Variants in EOLA1 observed in about 807,000 individuals in gnomAD.
The protein encoded by EOLA1 is protein EOLA1.
In EOLA1, 1 loss-of-function variant was observed where a neutral mutation model predicts 4.5. The ratio of observed to expected loss-of-function variants is 0.22; its 90% confidence interval spans 0.08 to 1.05. The LOEUF (loss-of-function observed/expected upper bound fraction) is 1.05, where lower values mean the gene tolerates loss of function less well. Among genes scored for constraint, EOLA1 ranks in the 50% least tolerant of loss-of-function variants. The pLI is 0.57. For synonymous variants in EOLA1, 37 were observed against 52.3 expected (o/e 0.71, Z 1.26); for missense variants, 69 against 127.2 (o/e 0.54, Z 2.20).
chrX:149,544,282 G>A (rs1557346993), intron 2 of EOLA1, among the ~76,000 whole-genome samples: 1 of 70,453 alleles, frequency 1.4e-5, no homozygotes, highest in South Asian at 9.2e-4. Context: ...CTGGAGCTCA[G>A]AAGGCTGCAG....
rs142002981 is a variant in EOLA1, at chrX:149,544,958, G to A, written c.-162-410G>A. 566 of 745,759 alleles carry A rather than the reference G, an allele frequency of 7.6e-4. 7 individuals carry two copies. In the African/African-American group the frequency reaches 0.013, roughly 17 times the overall value. The allele number at this position is 745,759 out of a possible 1,213,427, so 61.5% of individuals were successfully genotyped here. Reference sequence around the variant, plus strand: ...TCAGATTGGGACAGGGGCATCTGCTGACAGTGGAGAGCAGTGGTAGGGGAA... The same window carrying A: ...TCAGATTGGGACAGGGGCATCTGCTAACAGTGGAGAGCAGTGGTAGGGGAA... On this transcript the variant is annotated intron_variant, in intron 2 of 4. Transcript: ENST00000393985.
intron 2 of EOLA1, among the ~76,000 whole-genome samples, chrX:149,543,497 G>T (rs1361669387): frequency 1.7e-5 from 1 of 59,116 alleles, no homozygotes; most frequent in Non-Finnish European, 3.3e-5. Flanking sequence ...TGCTGGGGGG[G>T]GGTGGGGGTG....
chrX:149,543,840 C>T (rs1421876160), intron 2 of EOLA1, among the ~76,000 whole-genome samples: 1 of 89,479 alleles, frequency 1.1e-5, no homozygotes, highest in African/African-American at 4.4e-5. Flanking sequence ...CGGTGAGCAA[C>T]GTGGGGGTCC....
At chrX:149,541,807 T>A (rs188566196) in intron 1 of EOLA1, 1 of 753,512 alleles carries the variant, frequency 1.3e-6, no homozygotes, top group Admixed American at 8.6e-5. Flanking sequence ...GTGCACCCTG[T>A]GGTCCTTGAC....
intron 2 of EOLA1, chrX:149,544,780 C>T (rs2089804367): frequency 5.4e-6 from 4 of 744,452 alleles, no homozygotes; most frequent in Non-Finnish European, 6.3e-6. Context: ...TCTCCTCAGC[C>T]ATAGAGTGGG....
chrX:149,544,887 G>A, intron 2 of EOLA1: 1 of 754,185 alleles, frequency 1.3e-6, no homozygotes, highest in South Asian at 6.7e-5. Flanking sequence ...GAAGGCATGT[G>A]TGTGGGGTTG....
At chrX:149,546,161 T>C in intron 4 of EOLA1, among the ~76,000 whole-genome samples, 1 of 106,807 alleles carries the variant, frequency 9.4e-6, no homozygotes, top group Non-Finnish European at 1.9e-5. Flanking sequence ...CACATGGTGT[T>C]TGTGGTGTTT....
chrX:149,541,565 G>C (rs1302707641), intron 1 of EOLA1: 2 of 118,268 alleles, frequency 1.7e-5, no homozygotes, highest in Non-Finnish European at 3.4e-5. Flanking sequence ...TGGCCCTTCT[G>C]CTGTGAGCTC....
rs1326384078 is a variant in EOLA1 at position 149,541,267 on chromosome X, G to A, written c.-306G>A. 7.9e-5 allele frequency: 9 copies of A among 113,962 alleles called. No individual in the cohort carries two copies. The highest frequency in any genetic ancestry group is 1.3e-4 in the Non-Finnish European group (7 of 53,440). 9.4% of individuals were successfully genotyped at this position (113,962 alleles called of 1,213,427 possible). On this transcript the variant is annotated 5_prime_UTR_variant, in exon 1 of 5. Coordinates refer to ENST00000393985, the MANE Select transcript of EOLA1 (RefSeq NM_001171907.3). Reference sequence around the variant, plus strand: ...ACTCGCAGGGTCCATGGTTCCGGAGGCCGTGAGACCTGCCGGGGCTGACAG... The same window carrying A: ...ACTCGCAGGGTCCATGGTTCCGGAGACCGTGAGACCTGCCGGGGCTGACAG...
chrX:149,545,046 A>C (rs2089811861), intron 2 of EOLA1: 1 of 684,185 alleles, frequency 1.5e-6, no homozygotes, highest in South Asian at 7.4e-5. Flanking sequence ...GGGCCATCTG[A>C]GGTCACGGTG....
Position 149,541,309 on chromosome X carries a change from T to C in EOLA1, c.-264T>C, listed in dbSNP as rs1469089294. ...GGCTGACAGGTGCCAGGGCCCATGC[T>C]GCGGGAGCCTGTGTGCTCAGCCTTC... On this transcript the variant is annotated 5_prime_UTR_variant, in exon 1 of 5. Transcript: ENST00000393985. The C allele has an allele frequency of 8.8e-6, 1 of 114,162 alleles. No homozygotes were observed. The highest frequency in any genetic ancestry group is 3.2e-5 in the African/African-American group (1 of 31,040). 9.4% of individuals were successfully genotyped at this position (114,162 alleles called of 1,213,427 possible). A position where few individuals can be genotyped will look rare whatever the true frequency, so the allele number is the denominator to read the frequency against.
At chrX:149,542,560 G>A (rs2089750214) in intron 2 of EOLA1, among the ~76,000 whole-genome samples, 2 of 110,164 alleles carry the variant, frequency 1.8e-5, no homozygotes, top group African/African-American at 6.7e-5. Context: ...TGGCAAAAGT[G>A]GGAAGCAACT....
At chrX:149,548,361 A>G, downstream of EOLA1, 1 of 933,342 alleles carries the variant, frequency 1.1e-6, no homozygotes, top group Non-Finnish European at 1.3e-6. Context: ...AACTGTTCAC[A>G]GAGTCTACAC....
Position 149,545,839 on chromosome X carries a change from C to G in EOLA1, c.209C>G (p.Ala70Gly), listed in dbSNP as rs1324270981. ...GGGATGACTCCTGCTCAGATTCAGG[C>G]CTTGCTCAGGAAAGGGGAAAAGTTT... is the stretch of plus-strand genomic sequence containing the variant. ...RLGMTPAQIQ[A>G]LLRKGEKFGR... is the part of the protein sequence containing the mutation. The change falls in exon 4 of 5, where the codon GCC (alanine) becomes GGC (glycine). Residue 70 changes from alanine (A) to glycine (G), a missense_variant. Transcript: ENST00000393985. 1.2e-5 allele frequency: 14 copies of G among 1,209,085 alleles called. No homozygotes were observed. The Middle Eastern group carries it at 6.9e-4, about 59-fold the overall frequency.
intron 4 of EOLA1, 143 bp downstream of exon 4, chrX:149,546,026 G>A: frequency 2.6e-6 from 2 of 782,860 alleles, no homozygotes; most frequent in East Asian, 6.9e-5. Context: ...CTTCAAAGGG[G>A]CGGCAAGGAC....
chrX:149,540,906 A>G (rs1382281192), upstream of EOLA1: 4 of 113,102 alleles, frequency 3.5e-5, no homozygotes, highest in East Asian at 2.8e-4. Context: ...GTCTATATGC[A>G]TGGCTGAGTA....
intron 4 of EOLA1, 103 bp from the exon 5 acceptor site, chrX:149,546,636 T>G: frequency 3.2e-6 from 3 of 924,231 alleles, no homozygotes; most frequent in Non-Finnish European, 2.9e-6. Context: ...TGATGCTGTC[T>G]TACTCTCTAT....
intron 1 of EOLA1, 74 bp from the exon 2 acceptor site, chrX:149,541,945 C>T: frequency 1.6e-6 from 1 of 630,830 alleles, no homozygotes; most frequent in Non-Finnish European, 1.9e-6. Flanking sequence ...AGTACATGAC[C>T]TTCTTAGGGC....
In EOLA1 at chrX:149,545,133, G is replaced by A. The variant is rs1386758264; in HGVS notation, c.-162-235G>A. On this transcript the variant is annotated intron_variant, in intron 2 of 4. Coordinates refer to ENST00000393985, the MANE Select transcript of EOLA1 (RefSeq NM_001171907.3). ...CCTGGAGTAGGAGCTGGGAAGGTCA[G>A]TGCCTTGGTGGCGGCAGGGCCAGGG... 3 of 425,369 alleles carry A rather than the reference G, an allele frequency of 7.1e-6. No homozygotes were observed. The Admixed American group carries it at 2.8e-4, about 39-fold the overall frequency. The allele number at this position is 425,369 out of a possible 1,213,427, so 35.1% of individuals were successfully genotyped here. A position where few individuals can be genotyped will look rare whatever the true frequency, so the allele number is the denominator to read the frequency against.
Sources: allele counts gnomAD v4.1 joint callset (sites outside exome capture counted in the v4.1 genomes callset), GRCh38; gene constraint gnomAD v4.1.1; transcripts MANE v1.5; gene names NCBI Gene and HGNC (gene_info 2026-07-23, HGNC 2026-07-21).